GHR: variants seen among roughly 807,000 people sequenced by gnomAD.
GHR encodes the protein growth hormone receptor, also known as GH receptor.
A neutral mutation model predicts 67.1 loss-of-function variants in GHR; 35 were observed. The observed-to-expected ratio is 0.52, with a 90% CI of 0.40 to 0.69. The LOEUF is 0.69. Ranked by LOEUF, GHR falls within the 30% of genes least tolerant of loss-of-function variation. GHR has a pLI of 0.00. For missense variants in GHR, 792 were observed against 764.6 expected (o/e 1.04, Z -0.42); for synonymous variants, 272 against 269.1 (o/e 1.01, Z -0.10).
rs114108356 is a variant in GHR at position 42,561,774 on chromosome 5, T to C, written c.-11-4090T>C. Among the ~76,000 whole-genome samples the C allele has an allele frequency of 4.2e-3, 640 of 152,336 alleles. 5 individuals are homozygous for C. The highest frequency in any genetic ancestry group is 0.015 in the African/African-American group (619 of 41,572). On this transcript the variant is annotated intron_variant, in intron 1 of 9. Coordinates refer to ENST00000230882, the MANE Select transcript of GHR (RefSeq NM_000163.5). ...TGCTGAAAATCTTGCCATGAGGCTA[T>C]AGCCAAAGAATGTGTAAATATCAAA... is the stretch of plus-strand genomic sequence containing the variant.
At chr5:42,600,173 A>G (rs936404148) in intron 2 of GHR, among the ~76,000 whole-genome samples, 1 of 152,234 alleles carries the variant, frequency 6.6e-6, no homozygotes, top group African/African-American at 2.4e-5. Context: ...ACCAGCTAGC[A>G]TGGAAGTACT....
intron 2 of GHR, among the ~76,000 whole-genome samples, chr5:42,579,996 C>G (rs1453591366): frequency 6.6e-6 from 1 of 151,810 alleles, no homozygotes; most frequent in Non-Finnish European, 1.5e-5. Flanking sequence ...TGAAAATTTC[C>G]CCCAATATTA....
chr5:42,455,594 G>A lies in GHR; in HGVS notation c.-12+31639G>A, dbSNP rs76031162. Among the ~76,000 whole-genome samples the A allele has an allele frequency of 7.9e-3, 1,199 of 152,272 alleles. 67 individuals are homozygous for A. The East Asian group carries it at 0.15, about 20-fold the overall frequency. On this transcript the variant is annotated intron_variant, in intron 1 of 9. Transcript: ENST00000230882. Reference sequence around the variant, plus strand: ...AATTTATATGAAAAGCTTATAAAGTGATTCATTAACCAAGTATTTACTGAG... The same window carrying A: ...AATTTATATGAAAAGCTTATAAAGTAATTCATTAACCAAGTATTTACTGAG...
intron 7 of GHR, 53 bp from the exon 8 acceptor site, chr5:42,713,376 C>G: frequency 1.2e-6 from 1 of 827,220 alleles, no homozygotes; most frequent in East Asian, 2.4e-5. Flanking sequence ...GAAATGTAAA[C>G]TGTGCTTCAA....
chr5:42,442,081 A>G (rs1328208160), intron 1 of GHR, among the ~76,000 whole-genome samples: 1 of 152,194 alleles, frequency 6.6e-6, no homozygotes, highest in Non-Finnish European at 1.5e-5. Flanking sequence ...GGTGAAGCCA[A>G]GTCAAAGGAG....
Position 42,495,527 on chromosome 5 carries a change from C to T in GHR, c.-11-70337C>T, listed in dbSNP as rs559623338. The stretch of plus-strand genomic sequence containing the variant: ...TATTCATCCTGTATTAGTTCACCCC[C>T]ACCCCTAGTCACCATTCTTTTTTCT... On this transcript the variant is annotated intron_variant, in intron 1 of 9. Transcript: ENST00000230882. Among the ~76,000 whole-genome samples the T allele has an allele frequency of 7.2e-5, 11 of 152,124 alleles. No individual in the cohort carries two copies. The East Asian group carries it at 1.5e-3, about 21-fold the overall frequency.
chr5:42,521,352 C>T (rs544253564), intron 1 of GHR, among the ~76,000 whole-genome samples: 1 of 152,284 alleles, frequency 6.6e-6, no homozygotes, highest in Admixed American at 6.5e-5. Context: ...TTTCAGGTTA[C>T]AGGATGGCAT....
chr5:42,571,860 A>G (rs762143031), intron 2 of GHR, among the ~76,000 whole-genome samples: 7 of 152,192 alleles, frequency 4.6e-5, no homozygotes, highest in East Asian at 1.9e-4. Flanking sequence ...TGAGGTTGAC[A>G]TAACGTATTT....
chr5:42,514,069 T>G (rs1747137589), intron 1 of GHR: 4 of 974,456 alleles, frequency 4.1e-6, no homozygotes, highest in Non-Finnish European at 4.9e-6. Flanking sequence ...AGAATTTATT[T>G]TTTCTTCTAG....
chr5:42,632,901 T>C (rs1235029709), intron 3 of GHR, among the ~76,000 whole-genome samples: 1 of 152,224 alleles, frequency 6.6e-6, no homozygotes, highest in Non-Finnish European at 1.5e-5. Context: ...GGGAGAAGAA[T>C]AGGAAGAGTT....
In GHR at chr5:42,547,496, G is replaced by A. The variant is rs546358620; in HGVS notation, c.-11-18368G>A. Reference sequence around the variant, plus strand: ...AGCTGGTTTTTTTTTTATGTCACCCGAGTATGTAATTCACTAAATGTTTAG... The same window carrying A: ...AGCTGGTTTTTTTTTTATGTCACCCAAGTATGTAATTCACTAAATGTTTAG... On this transcript the variant is annotated intron_variant, in intron 1 of 9. Coordinates refer to ENST00000230882, the MANE Select transcript of GHR (RefSeq NM_000163.5). Among the ~76,000 whole-genome samples, 12 of 152,172 alleles carry A rather than the reference G, an allele frequency of 7.9e-5. No individual in the cohort carries two copies. The East Asian group carries it at 1.9e-3, about 25-fold the overall frequency.
chr5:42,457,613 C>A (rs371258942), intron 1 of GHR, among the ~76,000 whole-genome samples: 1 of 152,128 alleles, frequency 6.6e-6, no homozygotes, highest in South Asian at 2.1e-4. Context: ...ATAACCAGAC[C>A]TTGTTAACTG....
At chr5:42,501,304 T>C (rs1416257294) in intron 1 of GHR, among the ~76,000 whole-genome samples, 2 of 152,172 alleles carry the variant, frequency 1.3e-5, no homozygotes, top group Admixed American at 6.5e-5. Context: ...CTTTAAAACA[T>C]ATCCAGAAAA....
rs547460710 is a variant in GHR, at chr5:42,424,955, G to A, written c.-12+1000G>A. ...GGGAGGCGTGTCGGCGCCTGAGCCA[G>A]TAGGGTGTGCAGGGTGGAAGAGGCC... On this transcript the variant is annotated intron_variant, in intron 1 of 9. Coordinates refer to ENST00000230882, the MANE Select transcript of GHR (RefSeq NM_000163.5). This position sits in a 1 kb window ranked among gnomAD's most constrained non-coding sequence, Gnocchi z 4.1. The A allele has an allele frequency of 1.5e-5, 15 of 979,952 alleles. No individual in the cohort carries two copies. In the East Asian group the frequency reaches 1.3e-3, roughly 82 times the overall value. 60.7% of individuals were successfully genotyped at this position (979,952 alleles called of 1,614,324 possible). A position where few individuals can be genotyped will look rare whatever the true frequency, so the allele number is the denominator to read the frequency against.
chr5:42,451,053 G>C lies in GHR; in HGVS notation c.-12+27098G>C, dbSNP rs539108402. ...AGACTCGTTTAGTGGCCTATCATAT[G>C]GTCTGTCTTGGAGAATGTTCCATGT... On this transcript the variant is annotated intron_variant, in intron 1 of 9. Coordinates refer to ENST00000230882, the MANE Select transcript of GHR (RefSeq NM_000163.5). Among the ~76,000 whole-genome samples, 54 of 152,192 alleles carry C rather than the reference G, an allele frequency of 3.5e-4. No homozygotes were observed. The South Asian group carries it at 0.011, about 30-fold the overall frequency.
At chr5:42,492,290 G>A (rs923707982) in intron 1 of GHR, among the ~76,000 whole-genome samples, 1 of 152,178 alleles carries the variant, frequency 6.6e-6, no homozygotes, top group African/African-American at 2.4e-5. Flanking sequence ...GGCTAATACT[G>A]AGGAATGAGA....
At chr5:42,591,724 C>T (rs905858675) in intron 2 of GHR, among the ~76,000 whole-genome samples, 3 of 152,132 alleles carry the variant, frequency 2.0e-5, no homozygotes, top group Admixed American at 6.6e-5. Context: ...CTGCAGCCCC[C>T]TTACCCTCCT....
intron 3 of GHR, among the ~76,000 whole-genome samples, chr5:42,658,897 T>C (rs1467074416): frequency 6.6e-6 from 1 of 152,056 alleles, no homozygotes; most frequent in East Asian, 1.9e-4. Flanking sequence ...TATTTAAGAG[T>C]GGATGTGGAT....
Position 42,565,901 on chromosome 5 carries a change from C to G in GHR, c.27C>G (p.Thr9=). 6.2e-7 allele frequency: 1 copy of G among 1,614,038 alleles called. No individual in the cohort carries two copies. Among genetic ancestry groups the G allele is most frequent in the Non-Finnish European group, 8.5e-7 (1 of 1,179,940 alleles). MDLWQLLL[T]LALAGSSDAF... Reference sequence around the variant, plus strand: ...TGGATCTCTGGCAGCTGCTGTTGACCTTGGCACTGGCAGGATCAAGTGATG... The same window carrying G: ...TGGATCTCTGGCAGCTGCTGTTGACGTTGGCACTGGCAGGATCAAGTGATG... Residue 9 remains threonine, a synonymous_variant, in exon 2 of 10, where the codon ACC becomes ACG. Coordinates refer to ENST00000230882, the MANE Select transcript of GHR (RefSeq NM_000163.5).
Sources: gnomAD v4.1 joint callset for allele counts (sites outside exome capture counted in the v4.1 genomes callset) on GRCh38, gnomAD v4.1.1 for gene constraint, Gnocchi (gnomAD v3.1) non-coding constraint, MANE v1.5 for transcripts, NCBI Gene and HGNC (gene_info 2026-07-23, HGNC 2026-07-21) for gene names.